COL22A1: variants seen among roughly 807,000 people sequenced by gnomAD.
The protein encoded by COL22A1 is collagen alpha-1(XXII) chain.
A neutral mutation model predicts 248.9 loss-of-function variants in COL22A1; 221 were observed. The ratio of observed to expected loss-of-function variants is 0.89; its 90% CI spans 0.80 to 0.99. COL22A1 has a LOEUF of 0.99. Ranked by LOEUF, COL22A1 falls within the 50% of genes least tolerant of loss-of-function variation. COL22A1 has a pLI of 0.00. For synonymous variants in COL22A1, 891 were observed against 793.4 expected (o/e 1.12, Z -2.07); for missense variants, 2,240 against 2,179.0 (o/e 1.03, Z -0.56).
chr8:138,820,923 T>C (rs577503098), intron 7 of COL22A1, among the ~76,000 whole-genome samples: 3 of 152,312 alleles, frequency 2.0e-5, no homozygotes, highest in South Asian at 4.1e-4. Context: ...GATGGAATGG[T>C]TGAATAACCG....
chr8:138,700,659 C>T (rs892413167), intron 31 of COL22A1, among the ~76,000 whole-genome samples: 1 of 152,208 alleles, frequency 6.6e-6, no homozygotes, highest in Non-Finnish European at 1.5e-5. Context: ...CCCCTGCAGG[C>T]TCCTTCAGCC....
chr8:138,793,937 T>C (rs993336995), intron 12 of COL22A1, among the ~76,000 whole-genome samples: 2 of 152,184 alleles, frequency 1.3e-5, no homozygotes, highest in African/African-American at 4.8e-5. Flanking sequence ...GTCACAGAGC[T>C]GCACGGTATT....
intron 25 of COL22A1, among the ~76,000 whole-genome samples, chr8:138,722,971 G>A (rs372231266): frequency 2.6e-5 from 4 of 151,604 alleles, no homozygotes; most frequent in African/African-American, 4.8e-5. Flanking sequence ...CCCAGGTGAT[G>A]GGTTGATCTA....
intron 30 of COL22A1, among the ~76,000 whole-genome samples, chr8:138,712,340 G>T (rs550119101): frequency 6.6e-6 from 1 of 152,274 alleles, no homozygotes; most frequent in South Asian, 2.1e-4. Flanking sequence ...TTATAAAGTT[G>T]CCGTGGAACT....
At chr8:138,713,780 C>A (rs911716986) in intron 30 of COL22A1, among the ~76,000 whole-genome samples, 1 of 151,850 alleles carries the variant, frequency 6.6e-6, no homozygotes, top group African/African-American at 2.4e-5. Flanking sequence ...CTAAAAATTC[C>A]ATTATGTTTT....
At chr8:138,803,294 T>G (rs1349640159) in intron 10 of COL22A1, among the ~76,000 whole-genome samples, 1 of 152,172 alleles carries the variant, frequency 6.6e-6, no homozygotes, top group South Asian at 2.1e-4. Context: ...ACACCATTAC[T>G]GTCTTTGGGC....
intron 17 of COL22A1, among the ~76,000 whole-genome samples, chr8:138,761,958 G>A (rs1716521774): frequency 6.6e-6 from 1 of 152,086 alleles, no homozygotes; most frequent in Admixed American, 6.5e-5. Context: ...ATGTCTTGCA[G>A]ACCCCTCACA....
At chr8:138,799,390 CATA>C (rs1816818053) in intron 11 of COL22A1, among the ~76,000 whole-genome samples, 1 of 152,210 alleles carries the variant, frequency 6.6e-6, no homozygotes, top group Admixed American at 6.5e-5. Flanking sequence ...TAGCATATCT[CATA>C]ATTTTTGTTG....
Position 138,807,826 on chromosome 8 carries a change from G to A in COL22A1, c.1450-14C>T. 1 of 1,613,410 alleles carries A rather than the reference G, an allele frequency of 6.2e-7. No individual in the cohort carries two copies. The highest frequency in any genetic ancestry group is 2.2e-5 in the East Asian group (1 of 44,848). ...TCCCATTTCACCCTAAAAGAAGAAA[G>A]ACAACAAAAAAGTAAGTTTCTATTT... On this transcript the variant is annotated splice_polypyrimidine_tract_variant and intron_variant, in intron 9 of 64. Coordinates refer to ENST00000303045, the MANE Select transcript of COL22A1 (RefSeq NM_152888.3).
At chr8:138,849,831 G>C (rs1821500270) in intron 3 of COL22A1, among the ~76,000 whole-genome samples, 1 of 151,996 alleles carries the variant, frequency 6.6e-6, no homozygotes, top group Admixed American at 6.5e-5. Flanking sequence ...CAGGGAGTCA[G>C]ATGTAGGCAT....
chr8:138,692,240 T>C (rs1309522436), intron 35 of COL22A1, among the ~76,000 whole-genome samples: 1 of 3,892 alleles, frequency 2.6e-4, no homozygotes, highest in African/African-American at 9.3e-4. Context: ...ATGTGCATGT[T>C]TGTGGACGTA....
At chr8:138,767,036 G>A (rs1833964592) in intron 16 of COL22A1, among the ~76,000 whole-genome samples, 1 of 152,202 alleles carries the variant, frequency 6.6e-6, no homozygotes, top group Non-Finnish European at 1.5e-5. Context: ...TCCAAACCCT[G>A]GCTCTCCCAC....
chr8:138,593,311 C>T (rs997754319), intron 63 of COL22A1, among the ~76,000 whole-genome samples: 3 of 151,984 alleles, frequency 2.0e-5, no homozygotes, highest in Non-Finnish European at 2.9e-5. Context: ...GTGCAGCAAA[C>T]CACCATGGCA....
intron 31 of COL22A1, among the ~76,000 whole-genome samples, chr8:138,700,646 T>G (rs1827878229): frequency 6.6e-6 from 1 of 152,204 alleles, no homozygotes; most frequent in Non-Finnish European, 1.5e-5. Context: ...TCTGGCGGAC[T>G]GGCCCCTGCA....
intron 9 of COL22A1, 127 bp downstream of exon 9, chr8:138,811,672 G>A: frequency 9.5e-7 from 1 of 1,049,722 alleles, no homozygotes; most frequent in Non-Finnish European, 1.5e-6. Context: ...ACAACACAGG[G>A]TGCTGTCAGC....
At chr8:138,716,183 T>A in intron 29 of COL22A1, 44 bp downstream of exon 29, 1 of 1,479,962 alleles carries the variant, frequency 6.8e-7, no homozygotes, top group East Asian at 2.4e-5. Flanking sequence ...TCTGTGGAGA[T>A]GGGCGAGGTT....
intron 41 of COL22A1, among the ~76,000 whole-genome samples, chr8:138,673,731 C>T (rs1033134230): frequency 6.6e-6 from 1 of 152,122 alleles, no homozygotes; most frequent in Middle Eastern, 3.2e-3. Flanking sequence ...CTCACATTGT[C>T]TACCTGGAAA....
chr8:138,665,858 G>A (rs761577781), intron 41 of COL22A1, among the ~76,000 whole-genome samples: 2 of 152,116 alleles, frequency 1.3e-5, no homozygotes, highest in Admixed American at 6.6e-5. Flanking sequence ...GATCTGGCAG[G>A]TATCAAAAGA....
chr8:138,655,780 C>T, intron 45 of COL22A1, 117 bp downstream of exon 45: 1 of 853,428 alleles, frequency 1.2e-6, no homozygotes, highest in Non-Finnish European at 2.0e-6. Flanking sequence ...AATGGCGCTG[C>T]TGTTATCGTT....
Sources: gnomAD v4.1 joint callset for allele counts (sites outside exome capture counted in the v4.1 genomes callset) on GRCh38, gnomAD v4.1.1 for gene constraint, MANE v1.5 for transcripts, NCBI Gene and HGNC (gene_info 2026-07-23, HGNC 2026-07-21) for gene names.